PDGFRA: variants seen among roughly 807,000 people sequenced by gnomAD.
PDGFRA encodes platelet derived growth factor receptor alpha.
A neutral mutation model predicts 121.5 loss-of-function variants in PDGFRA; 25 were observed. The ratio of observed to expected loss-of-function variants is 0.21; its 90% CI spans 0.15 to 0.29. PDGFRA has a LOEUF of 0.29. PDGFRA is among the 10% of genes least tolerant of loss of function. The pLI is 1.00. For synonymous variants in PDGFRA, 463 were observed against 494.8 expected, an observed-to-expected ratio of 0.94 and a Z score of 0.85; for missense variants, 1,008 against 1,345.1, an observed-to-expected ratio of 0.75 and a Z score of 3.92.
At chr4:54,250,809 A>G (rs1722015690) in intron 1 of PDGFRA, among the ~76,000 whole-genome samples, 1 of 152,166 alleles carries the variant, frequency 6.6e-6, no homozygotes, top group Admixed American at 6.5e-5. Context: ...TCACAACTGT[A>G]ATCCCAGCAC....
chr4:54,285,507 C>T (rs1724308045), intron 17 of PDGFRA, 21 bp downstream of exon 17: 1 of 985,240 alleles, frequency 1.0e-6, no homozygotes, highest in South Asian at 1.3e-5. Context: ...GGAACACAGA[C>T]CTTTTTAGAC....
At chr4:54,246,256 G>C (rs1478333070) in intron 1 of PDGFRA, among the ~76,000 whole-genome samples, 2 of 152,104 alleles carry the variant, frequency 1.3e-5, no homozygotes, top group Non-Finnish European at 2.9e-5. Context: ...CAAATCAACA[G>C]AATATACATG....
chr4:54,278,554 T>C (rs1218159513), intron 15 of PDGFRA, 39 bp downstream of exon 15: 2 of 1,596,362 alleles, frequency 1.3e-6, no homozygotes, highest in Non-Finnish European at 1.7e-6. Context: ...ATCATTATCT[T>C]ACAGGCATCA....
chr4:54,262,599 T>G (rs755526160), intron 3 of PDGFRA, among the ~76,000 whole-genome samples: 1 of 152,154 alleles, frequency 6.6e-6, no homozygotes, highest in African/African-American at 2.4e-5. Context: ...CCTCTATAAC[T>G]ACGAGTGTCC....
chr4:54,282,803 A>G (rs1724139614), intron 16 of PDGFRA, among the ~76,000 whole-genome samples: 1 of 152,234 alleles, frequency 6.6e-6, no homozygotes, highest in African/African-American at 2.4e-5. Context: ...CAAGTTATTT[A>G]CTTTCAAGAT....
At chr4:54,248,174 C>A (rs904628492) in intron 1 of PDGFRA, among the ~76,000 whole-genome samples, 2 of 152,200 alleles carry the variant, frequency 1.3e-5, no homozygotes, top group Non-Finnish European at 2.9e-5. Context: ...CCATCCCCAT[C>A]AAGCTACCAA....
At chr4:54,244,495 G>T (rs1311634583) in intron 1 of PDGFRA, among the ~76,000 whole-genome samples, 1 of 152,244 alleles carries the variant, frequency 6.6e-6, no homozygotes, top group African/African-American at 2.4e-5. Flanking sequence ...CAACAGACCT[G>T]CAGCTGAGGA....
chr4:54,244,779 G>A (rs1291153866), intron 1 of PDGFRA, among the ~76,000 whole-genome samples: 1 of 152,180 alleles, frequency 6.6e-6, no homozygotes, highest in Admixed American at 6.6e-5. Context: ...CGAGCTACAG[G>A]AGGAAATTCA....
chr4:54,246,832 A>G (rs1177279194), intron 1 of PDGFRA, among the ~76,000 whole-genome samples: 5 of 151,108 alleles, frequency 3.3e-5, no homozygotes, highest in African/African-American at 4.9e-5. Flanking sequence ...AGACTAATAA[A>G]GAAGAAAAGA....
At position 54,267,282 on chromosome 4, in the gene PDGFRA, G is replaced by T. The variant is rs746550287; in HGVS notation, c.760-7G>T. 2.2e-5 allele frequency: 35 copies of T among 1,613,870 alleles called. No individual in the cohort carries two copies. In the Middle Eastern group the frequency reaches 1.5e-3, roughly 68 times the overall value. On this transcript the variant is annotated splice_region_variant and splice_polypyrimidine_tract_variant and intron_variant, in intron 5 of 22. Transcript: ENST00000257290. ...TAAAAGTCGGTTTTCTTCCCCTTTT[G>T]CTGTAGAAAGGCAAAGGCATCACAA...
chr4:54,284,135 C>T (rs1399387787), intron 16 of PDGFRA, among the ~76,000 whole-genome samples: 1 of 152,210 alleles, frequency 6.6e-6, no homozygotes, highest in Non-Finnish European at 1.5e-5. Flanking sequence ...ACCTTTACTC[C>T]AGTTCCCAAT....
intron 5 of PDGFRA, among the ~76,000 whole-genome samples, chr4:54,266,827 T>A (rs1435814744): frequency 3.3e-5 from 5 of 151,874 alleles, no homozygotes; most frequent in East Asian, 1.9e-4. Context: ...CAAAAATTTT[T>A]AAAAATTAGC....
intron 7 of PDGFRA, among the ~76,000 whole-genome samples, chr4:54,269,620 T>G (rs1042006015): frequency 2.6e-5 from 4 of 151,834 alleles, no homozygotes; most frequent in Non-Finnish European, 5.9e-5. Flanking sequence ...ATTTTTTTTT[T>G]TTGAAGAGGC....
chr4:54,292,560 GA>G (rs1219354678), intron 22 of PDGFRA, among the ~76,000 whole-genome samples: 1 of 152,092 alleles, frequency 6.6e-6, no homozygotes, highest in Admixed American at 6.6e-5. Flanking sequence ...ATAGCTAATG[GA>G]TACTGGGCAT....
intron 3 of PDGFRA, among the ~76,000 whole-genome samples, chr4:54,261,823 T>C (rs58435984): frequency 0.14 from 20,953 of 149,392 alleles, 1,797 homozygotes; most frequent in Admixed American, 0.27. Context: ...ACACTCGATT[T>C]TTCAGATTCA....
At chr4:54,269,487 ATATT>A (rs1723208302) in intron 7 of PDGFRA, among the ~76,000 whole-genome samples, 2 of 147,666 alleles carry the variant, frequency 1.4e-5, no homozygotes, top group South Asian at 2.2e-4. Context: ...GGCACATACT[ATATT>A]TATGCACATA....
rs138929755 is a variant in PDGFRA, at chr4:54,258,779, C to A, written c.11C>A (p.Ser4Tyr). The A allele has an allele frequency of 1.2e-6, 2 of 1,613,276 alleles. No homozygotes were observed. The highest frequency in any genetic ancestry group is 2.7e-5 in the African/African-American group (2 of 74,932). Residue 4 changes from serine (S) to tyrosine (Y), a missense_variant, in exon 2 of 23, where the codon TCC becomes TAC. Physicochemically the swap from Ser to Tyr is moderately radical, Grantham distance 144. Around this residue, in one of 5 missense-constraint regions of PDGFRA, gnomAD observed 575 missense variants for 701.8 expected, o/e 0.82. Transcript: ENST00000257290. Reference sequence around the variant, plus strand: ...TAGTTTCCCAGAGCTATGGGGACTTCCCATCCGGCGTTCCTGGTCTTAGGC... The same window carrying A: ...TAGTTTCCCAGAGCTATGGGGACTTACCATCCGGCGTTCCTGGTCTTAGGC... MGT[S>Y]HPAFLVLGCL...
intron 17 of PDGFRA, 67 bp downstream of exon 17, chr4:54,285,553 T>C: frequency 2.5e-6 from 2 of 801,358 alleles, no homozygotes; most frequent in East Asian, 2.4e-5. Flanking sequence ...ACGGAGATGC[T>C]AGGAGATAGA....
At chr4:54,263,181 A>G (rs1364390162) in intron 3 of PDGFRA, among the ~76,000 whole-genome samples, 1 of 152,250 alleles carries the variant, frequency 6.6e-6, no homozygotes, top group Admixed American at 6.5e-5. Flanking sequence ...AGCATTTCAT[A>G]ATAAAACTCG....
Sources: gnomAD v4.1 joint callset for allele counts (sites outside exome capture counted in the v4.1 genomes callset) on GRCh38, gnomAD v4.1.1 for gene constraint, gnomAD v4.1.1 regional missense constraint, MANE v1.5 for transcripts, NCBI Gene and HGNC (gene_info 2026-07-23, HGNC 2026-07-21) for gene names.